The following CNTN2 variants were observed in gnomAD, a reference collection of about 807,000 sequenced individuals.
CNTN2 encodes the protein contactin-2.
Under a neutral mutation model 117.5 loss-of-function variants are expected in CNTN2, and 53 were observed. The observed-to-expected ratio is 0.45, with a 90% CI of 0.36 to 0.57. CNTN2 has a LOEUF of 0.57. Ranked by LOEUF, CNTN2 falls within the 20% of genes least tolerant of loss-of-function variation. The probability of loss-of-function intolerance (pLI) is 0.00; values close to 1 mark genes in which losing one functional copy is unlikely to be tolerated. For missense variants in CNTN2, 1,106 were observed against 1,404.3 expected, an observed-to-expected ratio of 0.79 and a Z score of 3.39; for synonymous variants, 530 against 561.7, an observed-to-expected ratio of 0.94 and a Z score of 0.80.
Position 205,058,057 on chromosome 1 carries a change from C to T in CNTN2, c.207C>T (p.Ala69=). The change falls in exon 3 of 23, where the codon GCC becomes GCT. Residue 69 remains alanine, a synonymous_variant. Transcript: ENST00000331830. The surrounding 1 kb of genome is among the most constrained non-coding windows in gnomAD (Gnocchi z 4.3). ...GCCGCGCCCGGGCCAGCCCTCCAGC[C>T]ACCTATCGGTAAGGCCTCTGCAGTG... ...LACRARASPP[A]TYRWKMNGTE... is the part of the protein sequence containing the mutation. 18 of 1,613,560 alleles carry T rather than the reference C, an allele frequency of 1.1e-5. No homozygotes were observed. Among genetic ancestry groups the T allele is most frequent in the Non-Finnish European group, 1.4e-5 (17 of 1,179,836 alleles).
intron 21 of CNTN2, chr1:205,072,860 T>G: frequency 1.6e-6 from 1 of 642,892 alleles, no homozygotes; most frequent in Non-Finnish European, 2.7e-6. Flanking sequence ...TGGGGGTTCT[T>G]CTAGCTTAAG....
At chr1:205,070,133 C>T in intron 18 of CNTN2, 72 bp downstream of exon 18, 1 of 1,419,536 alleles carries the variant, frequency 7.0e-7, no homozygotes, top group African/African-American at 1.4e-5. Context: ...GGTGGGGGAA[C>T]GCTACTCATC....
At chr1:205,053,565 G>C (rs1011661478) in intron 2 of CNTN2, among the ~76,000 whole-genome samples, 2 of 152,212 alleles carry the variant, frequency 1.3e-5, no homozygotes, top group African/African-American at 4.8e-5. Context: ...ACCCGGAGTT[G>C]TAGCCTCAAA....
chr1:205,065,836 TGGGGGGAA>T lies in CNTN2; in HGVS notation c.1745_1752del (p.Gly582ValfsTer56). ...CCATCCTGAACGCCCAGCTGCGCCA[TGGGGGGAA>T]GTACACGTGCATGGCCCAGACGGTG... On this transcript the variant is annotated frameshift_variant, in exon 14 of 23. Coordinates refer to ENST00000331830, the MANE Select transcript of CNTN2 (RefSeq NM_005076.5). LOFTEE classifies it high-confidence loss of function. The surrounding 1 kb of genome is among the most constrained non-coding windows in gnomAD (Gnocchi z 4.1). 1 of 1,602,838 alleles carries T rather than the reference TGGGGGGAA, an allele frequency of 6.2e-7. No homozygotes were observed. Among genetic ancestry groups the T allele is most frequent in the South Asian group, 1.1e-5 (1 of 90,862 alleles).
chr1:205,070,403 A>T (rs762743156), intron 18 of CNTN2, 23 bp from the exon 19 acceptor site: 3 of 1,563,410 alleles, frequency 1.9e-6, no homozygotes, highest in Admixed American at 3.4e-5. Context: ...GGGAATCCAA[A>T]CCCATTCTGT....
chr1:205,072,091 G>A lies in CNTN2; in HGVS notation c.2689G>A (p.Gly897Arg). The A allele has an allele frequency of 6.2e-7, 1 of 1,613,564 alleles. No homozygotes were observed. The highest frequency in any genetic ancestry group is 2.2e-5 in the East Asian group (1 of 44,854). ...TVRAYNRAGT[G>R]PASPSANATT... ...GAGGGCCTACAACCGGGCTGGCACT[G>A]GGCCTGCCAGCCCTTCTGCCAACGC... Residue 897 changes from glycine to arginine, a missense_variant, in exon 20 of 23, where the codon GGG becomes AGG. Coordinates refer to ENST00000331830, the MANE Select transcript of CNTN2 (RefSeq NM_005076.5).
intron 1 of CNTN2, among the ~76,000 whole-genome samples, chr1:205,049,138 A>G (rs1461415186): frequency 2.0e-5 from 3 of 152,012 alleles, no homozygotes; most frequent in Non-Finnish European, 4.4e-5. Flanking sequence ...GGGCCGGATT[A>G]TTCGTGATTA....
intron 1 of CNTN2, among the ~76,000 whole-genome samples, chr1:205,045,530 C>T (rs1410131998): frequency 2.0e-5 from 3 of 152,178 alleles, no homozygotes; most frequent in African/African-American, 7.2e-5. Context: ...GGAAGCAACG[C>T]ATTTGGGGTG....
At chr1:205,072,348 G>T in intron 20 of CNTN2, 135 bp from the exon 21 acceptor site, 1 of 763,076 alleles carries the variant, frequency 1.3e-6, no homozygotes, top group Non-Finnish European at 2.0e-6. Context: ...CATGGGCTTT[G>T]TTTCGTGGGC....
Position 205,067,150 on chromosome 1 carries a change from C to T in CNTN2, c.2025C>T (p.Leu675=), listed in dbSNP as rs1340029424. 2 of 1,613,992 alleles carry T rather than the reference C, an allele frequency of 1.2e-6. No homozygotes were observed. The highest frequency in any genetic ancestry group is 1.7e-5 in the Admixed American group (1 of 59,992). Reference sequence around the variant, plus strand: ...CCGAGACTGCACAGGTGCTGGGCCTCACCCCCTGGATGGACTATGAGTTCC... The same window carrying T: ...CCGAGACTGCACAGGTGCTGGGCCTTACCCCCTGGATGGACTATGAGTTCC... The part of the protein sequence containing the change: ...GNAETAQVLG[L]TPWMDYEFRV... The change falls in exon 16 of 23, where the codon CTC becomes CTT. Residue 675 remains leucine (L), a synonymous_variant. Coordinates refer to ENST00000331830, the MANE Select transcript of CNTN2 (RefSeq NM_005076.5).
chr1:205,072,842 A>G, intron 21 of CNTN2: 1 of 633,894 alleles, frequency 1.6e-6, no homozygotes, highest in Non-Finnish European at 2.7e-6. Context: ...GACTATGGGG[A>G]TGGAGTATGG....
At position 205,073,019 on chromosome 1, in the gene CNTN2, G is replaced by T. The variant is rs747461266; in HGVS notation, c.2845-49G>T. On this transcript the variant is annotated intron_variant, in intron 21 of 22. Transcript: ENST00000331830. The surrounding 1 kb of genome is among the most constrained non-coding windows in gnomAD (Gnocchi z 6.3). Reference sequence around the variant, plus strand: ...TACCTAAAGCTGGGGATGACTCAACGATCAGCCCTGGTGTCAGGAAACTCC... The same window carrying T: ...TACCTAAAGCTGGGGATGACTCAACTATCAGCCCTGGTGTCAGGAAACTCC... 5.6e-6 allele frequency: 9 copies of T among 1,600,344 alleles called. No homozygotes were observed. Among genetic ancestry groups the T allele is most frequent in the Admixed American group, 1.7e-5 (1 of 59,094 alleles).
chr1:205,066,028 C>A, intron 14 of CNTN2, 119 bp downstream of exon 14: 10 of 1,247,632 alleles, frequency 8.0e-6, no homozygotes, highest in Non-Finnish European at 1.1e-5. Context: ...GGGCTTCCGG[C>A]GGAACTCCTG....
intron 2 of CNTN2, among the ~76,000 whole-genome samples, chr1:205,057,051 A>T (rs539641892): frequency 6.6e-6 from 1 of 152,306 alleles, no homozygotes; most frequent in African/African-American, 2.4e-5. Flanking sequence ...TCCACCCACC[A>T]TAAGGCAATC....
chr1:205,073,732 G>A lies in CNTN2; in HGVS notation c.3090G>A (p.Ala1030=), dbSNP rs772810010. Residue 1030 remains alanine, a synonymous_variant, in exon 23 of 23, where the codon GCG becomes GCA. Transcript: ENST00000331830. This position sits in a 1 kb window ranked among gnomAD's most constrained non-coding sequence, Gnocchi z 6.3. The part of the protein sequence containing the change: ...HPGTVISHSV[A]MLILIGSLEL Reference sequence around the variant, plus strand: ...GCACCGTCATTTCCCACTCCGTGGCGATGCTGATCCTCATAGGCTCCCTGG... The same window carrying A: ...GCACCGTCATTTCCCACTCCGTGGCAATGCTGATCCTCATAGGCTCCCTGG... 5.6e-6 allele frequency: 9 copies of A among 1,613,864 alleles called. No individual in the cohort carries two copies. Among genetic ancestry groups the A allele is most frequent in the East Asian group, 4.5e-5 (2 of 44,894 alleles).
intron 14 of CNTN2, 134 bp from the exon 15 acceptor site, chr1:205,066,307 C>T (rs1654286968): frequency 1.8e-6 from 2 of 1,085,240 alleles, no homozygotes; most frequent in Admixed American, 2.6e-5. Flanking sequence ...CGCCCTCCCG[C>T]CTGGGTGTGT....
chr1:205,059,281 C>T lies in CNTN2; in HGVS notation c.685C>T (p.Leu229=). The T allele has an allele frequency of 6.2e-7, 1 of 1,613,814 alleles. No homozygotes were observed. Among genetic ancestry groups the T allele is most frequent in the Non-Finnish European group, 8.5e-7 (1 of 1,179,894 alleles). Residue 229 remains leucine (L), a synonymous_variant, in exon 6 of 23, where the codon CTG becomes TTG. Transcript: ENST00000331830. This position sits in a 1 kb window ranked among gnomAD's most constrained non-coding sequence, Gnocchi z 5.6. ...CTTCAGCAAGTTTGCTCAGCTCAAC[C>T]TGGCTGCTGAAGGTCAGGCTTGGCC... ...SVFSKFAQLN[L]AAEDTRLFAP... is the part of the protein sequence containing the mutation.
intron 19 of CNTN2, among the ~76,000 whole-genome samples, 197 bp from the exon 20 acceptor site, chr1:205,071,750 C>T (rs187501313): frequency 1.3e-5 from 2 of 152,324 alleles, no homozygotes; most frequent in Admixed American, 6.5e-5. Context: ...CCTTGAACTA[C>T]GCACCAACAG....
At position 205,073,955 on chromosome 1, in the gene CNTN2, G is replaced by T; in HGVS notation, c.*190G>T. On this transcript the variant is annotated 3_prime_UTR_variant, in exon 23 of 23. Transcript: ENST00000331830. The surrounding 1 kb of genome is among the most constrained non-coding windows in gnomAD (Gnocchi z 6.3). Reference sequence around the variant, plus strand: ...CTGCCGCAGGATAGAACCCACGCAAGGATTTTCTTTAAATTGAGAGGCACC... The same window carrying T: ...CTGCCGCAGGATAGAACCCACGCAATGATTTTCTTTAAATTGAGAGGCACC... 2 of 604,576 alleles carry T rather than the reference G, an allele frequency of 3.3e-6. No individual in the cohort carries two copies. The highest frequency in any genetic ancestry group is 5.9e-6 in the Non-Finnish European group (2 of 340,136). 37.5% of individuals were successfully genotyped at this position (604,576 alleles called of 1,614,324 possible).
Sources: allele counts gnomAD v4.1 joint callset (sites outside exome capture counted in the v4.1 genomes callset), GRCh38; gene constraint gnomAD v4.1.1; non-coding constraint Gnocchi (gnomAD v3.1); transcripts MANE v1.5; gene names NCBI Gene and HGNC (gene_info 2026-07-23, HGNC 2026-07-21).